Variants in SLC6A13 observed in about 807,000 individuals in gnomAD.
SLC6A13 encodes the protein solute carrier family 6 member 13.
Under a neutral mutation model 72.9 loss-of-function variants are expected in SLC6A13, and 69 were observed. The observed-to-expected ratio is 0.95, with a 90% CI of 0.78 to 1.16. SLC6A13 has a LOEUF of 1.16. SLC6A13 is among the 50% of genes most tolerant of loss of function. The pLI is 0.00. For missense variants in SLC6A13, 735 were observed against 760.5 expected, an observed-to-expected ratio of 0.97 and a Z score of 0.39; for synonymous variants, 303 against 303.0, an observed-to-expected ratio of 1.00 and a Z score of 0.00.
chr12:259,055 A>G (rs1942840372), intron 2 of SLC6A13: 1 of 149,818 alleles, frequency 6.7e-6, no homozygotes, highest in Admixed American at 6.6e-5. Context: ...TTGGTTATCA[A>G]CGTCATCATC....
Position 220,672 on chromosome 12 carries a change from G to A in SLC6A13, c.*276C>T, listed in dbSNP as rs1941167404. The A allele has an allele frequency of 2.4e-6, 1 of 422,832 alleles. No individual in the cohort carries two copies. The highest frequency in any genetic ancestry group is 4.3e-6 in the Non-Finnish European group (1 of 231,294). The allele number at this position is 422,832 out of a possible 1,614,324, so 26.2% of individuals were successfully genotyped here. ...GGAATGAAGGATGAGAGGGCCCGAAGCCAGCAAGTCTCGCCCCACCTACCA... is the reference window on the plus strand; with the variant it reads ...GGAATGAAGGATGAGAGGGCCCGAAACCAGCAAGTCTCGCCCCACCTACCA... On this transcript the variant is annotated 3_prime_UTR_variant, in exon 15 of 15. Transcript: ENST00000343164.
chr12:237,232 G>T lies in SLC6A13; in HGVS notation c.622C>A (p.Leu208Met). 1 of 1,614,008 alleles carries T rather than the reference G, an allele frequency of 6.2e-7. No individual in the cohort carries two copies. The highest frequency in any genetic ancestry group is 8.5e-7 in the Non-Finnish European group (1 of 1,179,916). The part of the protein sequence containing the change: ...IQHLGALRWE[L>M]ALCLLLAWVI... ...CAGGCCAGCAGGAGGCACAGAGCCAGCTCCCAGCGCAGGGCCCCCAGGTGC... is the reference window on the plus strand; with the variant it reads ...CAGGCCAGCAGGAGGCACAGAGCCATCTCCCAGCGCAGGGCCCCCAGGTGC... Residue 208 changes from leucine (L) to methionine (M), a missense_variant, in exon 6 of 15, where the codon CTG becomes ATG. Physicochemically the swap from Leu to Met is conservative, Grantham distance 15. Transcript: ENST00000343164.
At chr12:252,332 A>C (rs963450899) in intron 2 of SLC6A13, among the ~76,000 whole-genome samples, 1 of 152,218 alleles carries the variant, frequency 6.6e-6, no homozygotes, top group African/African-American at 2.4e-5. Flanking sequence ...CTGGGATGTG[A>C]TGGCAGGAGT....
intron 1 of SLC6A13, 99 bp from the exon 2 acceptor site, chr12:260,156 G>A (rs891405601): frequency 4.6e-6 from 6 of 1,298,030 alleles, no homozygotes; most frequent in Non-Finnish European, 6.5e-6. Context: ...TGAATGCACT[G>A]GAAGAGGTGA....
At chr12:224,188 G>C in intron 10 of SLC6A13, 59 bp from the exon 11 acceptor site, 1 of 1,602,998 alleles carries the variant, frequency 6.2e-7, no homozygotes, top group Non-Finnish European at 8.5e-7. Context: ...CCCTGTCCAT[G>C]AGCGCTGGCT....
At position 221,514 on chromosome 12, in the gene SLC6A13, A is replaced by C; in HGVS notation, c.1548T>G (p.Thr516=). The part of the protein sequence containing the change: ...ATFLFSLIKY[T]PLTYNKKYTY... The stretch of plus-strand genomic sequence containing the variant: ...TGTACTTCTTGTTGTAGGTCAGCGG[A>C]GTGTACTTTATCAGGGAGAAGAGAA... The change falls in exon 14 of 15, where the codon ACT becomes ACG. Residue 516 remains threonine (T), a synonymous_variant. Coordinates refer to ENST00000343164, the MANE Select transcript of SLC6A13 (RefSeq NM_016615.5). 6.2e-7 allele frequency: 1 copy of C among 1,605,712 alleles called. No homozygotes were observed. Among genetic ancestry groups the C allele is most frequent in the East Asian group, 2.2e-5 (1 of 44,472 alleles).
chr12:253,237 T>C (rs1173951932), intron 2 of SLC6A13, among the ~76,000 whole-genome samples: 1 of 152,180 alleles, frequency 6.6e-6, no homozygotes, highest in East Asian at 1.9e-4. Context: ...TGGTGTCACT[T>C]GTAACGTTCC....
At chr12:235,394 C>A (rs1322359057) in intron 6 of SLC6A13, among the ~76,000 whole-genome samples, 170 bp from the exon 7 acceptor site, 2 of 152,062 alleles carry the variant, frequency 1.3e-5, no homozygotes, top group Non-Finnish European at 2.9e-5. Flanking sequence ...AGTTAGGGAC[C>A]CCGAATGGAG....
intron 6 of SLC6A13, 190 bp downstream of exon 6, chr12:236,968 C>G (rs1454239152): frequency 1.7e-6 from 1 of 595,224 alleles, no homozygotes; most frequent in Non-Finnish European, 2.9e-6. Flanking sequence ...TCGCTCTCTT[C>G]CAGTCCCAAA....
In SLC6A13 at chr12:220,885, C is replaced by T; in HGVS notation, c.*63G>A. 2 of 1,597,022 alleles carry T rather than the reference C, an allele frequency of 1.3e-6. No homozygotes were observed. Among genetic ancestry groups the T allele is most frequent in the Non-Finnish European group, 8.5e-7 (1 of 1,175,730 alleles). On this transcript the variant is annotated 3_prime_UTR_variant, in exon 15 of 15. Transcript: ENST00000343164. ...AGGGAAGCACATGGGGCTGCTTCTGCCACGTTCCCTCCACAGCCATCCCCA... is the reference window on the plus strand; with the variant it reads ...AGGGAAGCACATGGGGCTGCTTCTGTCACGTTCCCTCCACAGCCATCCCCA...
rs1043897359 is a variant in SLC6A13, at chr12:220,946, C to T, written c.*2G>A. On this transcript the variant is annotated 3_prime_UTR_variant, in exon 15 of 15. Coordinates refer to ENST00000343164, the MANE Select transcript of SLC6A13 (RefSeq NM_016615.5). Reference sequence around the variant, plus strand: ...CACAGGCACCATCCAAGGGCCTGCCCCCTAGCAGTGAGACTCTAGCTCTGT... The same window carrying T: ...CACAGGCACCATCCAAGGGCCTGCCTCCTAGCAGTGAGACTCTAGCTCTGT... The T allele has an allele frequency of 1.2e-6, 2 of 1,612,224 alleles. No individual in the cohort carries two copies. The highest frequency in any genetic ancestry group is 1.1e-5 in the South Asian group (1 of 91,004).
intron 1 of SLC6A13, among the ~76,000 whole-genome samples, chr12:260,786 C>T (rs944625206): frequency 5.9e-5 from 9 of 152,088 alleles, no homozygotes; most frequent in Non-Finnish European, 1.2e-4. Context: ...TATTTATAGG[C>T]ATTGAAGGAG....
intron 8 of SLC6A13, 131 bp downstream of exon 8, chr12:227,434 T>C: frequency 6.8e-7 from 1 of 1,479,174 alleles, no homozygotes; most frequent in Non-Finnish European, 9.1e-7. Flanking sequence ...CCTGGGGTGT[T>C]GGATATGGGG....
chr12:246,819 C>A (rs1468011919), intron 2 of SLC6A13, among the ~76,000 whole-genome samples: 1 of 151,950 alleles, frequency 6.6e-6, no homozygotes, highest in African/African-American at 2.4e-5. Context: ...ACCAGCCCAG[C>A]CAACATGGTG....
chr12:253,275 G>A (rs1357210864), intron 2 of SLC6A13, among the ~76,000 whole-genome samples: 2 of 152,142 alleles, frequency 1.3e-5, no homozygotes, highest in African/African-American at 2.4e-5. Flanking sequence ...ATAAACTGAC[G>A]ATCTTCCACT....
chr12:224,069 T>C lies in SLC6A13; in HGVS notation c.1234A>G (p.Lys412Glu). 6.2e-7 allele frequency: 1 copy of C among 1,614,126 alleles called. No homozygotes were observed. Among genetic ancestry groups the C allele is most frequent in the Non-Finnish European group, 8.5e-7 (1 of 1,180,004 alleles). Residue 412 changes from lysine to glutamate, a missense_variant, in exon 11 of 15, where the codon AAG becomes GAG. By Grantham distance (56) the Lys-to-Glu change is moderately conservative (BLOSUM62 1). Transcript: ENST00000343164. ...ATGAGGACTTCCCTCCGGTTCTTCTTGCGGAACACGTGAGGGTACATGTCC... is the reference window on the plus strand; with the variant it reads ...ATGAGGACTTCCCTCCGGTTCTTCTCGCGGAACACGTGAGGGTACATGTCC... The part of the protein sequence containing the change: ...LVDMYPHVFR[K>E]KNRREVLILG...
At chr12:256,246 C>T (rs534503206) in intron 2 of SLC6A13, among the ~76,000 whole-genome samples, 1 of 152,280 alleles carries the variant, frequency 6.6e-6, no homozygotes, top group African/African-American at 2.4e-5. Flanking sequence ...GTATCCCAAC[C>T]ACCTAGAACA....
chr12:237,025 A>T (rs1296998207), intron 6 of SLC6A13, 133 bp downstream of exon 6: 40 of 934,274 alleles, frequency 4.3e-5, no homozygotes. Context: ...CAAGGAAGGG[A>T]GCCACATCAA....
At chr12:231,160 G>GCT (rs1434232491) in intron 7 of SLC6A13, among the ~76,000 whole-genome samples, 1 of 152,216 alleles carries the variant, frequency 6.6e-6, no homozygotes, top group African/African-American at 2.4e-5. Flanking sequence ...TAAAGCACAC[G>GCT]CTCCAGCAGA....
Sources: allele counts gnomAD v4.1 joint callset (sites outside exome capture counted in the v4.1 genomes callset), GRCh38; gene constraint gnomAD v4.1.1; transcripts MANE v1.5; gene names NCBI Gene and HGNC (gene_info 2026-07-23, HGNC 2026-07-21).